Variants in ACTG1 observed in about 807,000 individuals in gnomAD.
ACTG1 encodes the protein actin gamma 1.
ACTG1 carries 14 observed loss-of-function variants against 34.3 expected under a neutral mutation model. That is an observed-to-expected ratio of 0.41 (90% CI 0.27 to 0.64). The LOEUF is 0.64. ACTG1 is among the 30% of genes least tolerant of loss of function. The probability of loss-of-function intolerance (pLI) is 0.33; values close to 1 mark genes in which losing one functional copy is unlikely to be tolerated. For missense variants in ACTG1, 233 were observed against 529.5 expected, an observed-to-expected ratio of 0.44 and a Z score of 5.50; for synonymous variants, 422 against 213.9, an observed-to-expected ratio of 1.97 and a Z score of -8.49.
rs11549209 is a variant in ACTG1, at chr17:81,511,996, G to C, written c.270C>G (p.Phe90Leu). 1 of 1,614,116 alleles carries C rather than the reference G, an allele frequency of 6.2e-7. No individual in the cohort carries two copies. The highest frequency in any genetic ancestry group is 8.5e-7 in the Non-Finnish European group (1 of 1,180,050). ...DDMEKIWHHT[F>L]YNELRVAPEE... ...CCGGGGCCACGCGCAGCTCGTTGTA[G>C]AAGGTGTGGTGCCAGATCTTCTCCA... The change falls in exon 3 of 6, where the codon TTC becomes TTG. Residue 90 changes from phenylalanine to leucine, a missense_variant. Coordinates refer to ENST00000573283, the MANE Select transcript of ACTG1 (RefSeq NM_001614.5).
In ACTG1 at chr17:81,510,563, G is replaced by C. The variant is rs782032506; in HGVS notation, c.*127C>G. 8.1e-7 allele frequency: 1 copy of C among 1,241,368 alleles called. No homozygotes were observed. The highest frequency in any genetic ancestry group is 1.2e-5 in the South Asian group (1 of 82,000). The allele number at this position is 1,241,368 out of a possible 1,614,324, so 76.9% of individuals were successfully genotyped here. ...TGCTGATATCAGATACAAGCTTCAA[G>C]GACAATTTCTTTTCGAAGGCTTATT... is the stretch of plus-strand genomic sequence containing the variant. On this transcript the variant is annotated 3_prime_UTR_variant, in exon 6 of 6. Coordinates refer to ENST00000573283, the MANE Select transcript of ACTG1 (RefSeq NM_001614.5).
Position 81,512,147 on chromosome 17 carries a change from A to AG in ACTG1, c.124-6dup. 1 of 1,613,496 alleles carries AG rather than the reference A, an allele frequency of 6.2e-7. No individual in the cohort carries two copies. The highest frequency in any genetic ancestry group is 1.1e-5 in the South Asian group (1 of 91,070). On this transcript the variant is annotated splice_region_variant and splice_polypyrimidine_tract_variant and intron_variant, in intron 2 of 5. Transcript: ENST00000573283. ...GCCCATGCCCACCATGACGCCCTGCAGGGGACGACCCGTCAGCCTCGCCGG... is the reference window on the plus strand; with the variant it reads ...GCCCATGCCCACCATGACGCCCTGCAGGGGGACGACCCGTCAGCCTCGCCGG...
rs782772597 is a variant in ACTG1 at position 81,511,555 on chromosome 17, A to C, written c.435T>G (p.Ser145=). ...CCATGACAATGCCAGTGGTGCGCCC[A>C]GAGGCGTAGAGGGACAGCACGGCCT... The part of the protein sequence containing the change: ...AIQAVLSLYA[S]GRTTGIVMDS... Residue 145 remains serine (S), a synonymous_variant, in exon 4 of 6, where the codon TCT becomes TCG. Coordinates refer to ENST00000573283, the MANE Select transcript of ACTG1 (RefSeq NM_001614.5). The C allele has an allele frequency of 6.2e-7, 1 of 1,613,740 alleles. No homozygotes were observed. Among genetic ancestry groups the C allele is most frequent in the East Asian group, 2.2e-5 (1 of 44,900 alleles).
rs782397522 is a variant in ACTG1 at position 81,512,050 on chromosome 17, C to T, written c.216G>A (p.Glu72=). The T allele has an allele frequency of 9.3e-6, 15 of 1,613,936 alleles. No homozygotes were observed. Among genetic ancestry groups the T allele is most frequent in the African/African-American group, 2.7e-5 (2 of 74,948 alleles). ...CGTCCCAGTTGGTGACGATGCCATG[C>T]TCAATGGGGTACTTCAGGGTCAGGA... is the stretch of plus-strand genomic sequence containing the variant. The part of the protein sequence containing the change: ...RGILTLKYPI[E]HGIVTNWDDM... The change falls in exon 3 of 6, where the codon GAG becomes GAA. Residue 72 remains glutamate (E), a synonymous_variant. Coordinates refer to ENST00000573283, the MANE Select transcript of ACTG1 (RefSeq NM_001614.5).
intron 3 of ACTG1, 62 bp from the exon 4 acceptor site, chr17:81,511,688 A>G (rs1223139920): frequency 7.1e-6 from 11 of 1,558,888 alleles, no homozygotes; most frequent in African/African-American, 5.4e-5. Context: ...CCATGCTCAC[A>G]CGCCACAACA....
rs369082132 is a variant in ACTG1, at chr17:81,510,543, A to C, written c.*147T>G. 2.0e-6 allele frequency: 2 copies of C among 1,005,888 alleles called. No individual in the cohort carries two copies. The highest frequency in any genetic ancestry group is 3.1e-6 in the Non-Finnish European group (2 of 644,756). The allele number at this position is 1,005,888 out of a possible 1,614,324, so 62.3% of individuals were successfully genotyped here. On this transcript the variant is annotated 3_prime_UTR_variant, in exon 6 of 6. Transcript: ENST00000573283. ...CAACAAGTTCTACAATCCAGTGCTG[A>C]TATCAGATACAAGCTTCAAGGACAA...
Position 81,512,751 on chromosome 17 carries a change from G to C in ACTG1, c.-24C>G. The C allele has an allele frequency of 4.8e-6, 2 of 413,426 alleles. No individual in the cohort carries two copies. Among genetic ancestry groups the C allele is most frequent in the Non-Finnish European group, 9.5e-6 (2 of 211,346 alleles). 25.6% of individuals were successfully genotyped at this position (413,426 alleles called of 1,614,324 possible). On this transcript the variant is annotated 5_prime_UTR_variant, in exon 1 of 6. Transcript: ENST00000573283. ...GCGCTCACCGGCAGAGAAACGCGAC[G>C]GCGGAGCGGCGGAAGAACAGAGTGC...
rs1464819772 is a variant in ACTG1, at chr17:81,510,218, TG to T, written c.*471del. 5.9e-6 allele frequency: 3 copies of T among 509,400 alleles called. No individual in the cohort carries two copies. The East Asian group carries it at 2.0e-4, about 35-fold the overall frequency. The allele number at this position is 509,400 out of a possible 1,614,324, so 31.6% of individuals were successfully genotyped here. On this transcript the variant is annotated 3_prime_UTR_variant, in exon 6 of 6. Transcript: ENST00000573283. ...AAAGACATCAGCTAAGAAAGGAAAC[TG>T]GGTCCTACGGCTTGGACTTTCCAAC... is the stretch of plus-strand genomic sequence containing the variant.
chr17:81,510,878 C>A (rs782202746), intron 5 of ACTG1, 45 bp from the exon 6 acceptor site: 4 of 1,610,308 alleles, frequency 2.5e-6, no homozygotes, highest in Non-Finnish European at 3.4e-6. Context: ...GAGCGCCCCC[C>A]AGTCAGCTCT....
At chr17:81,512,182 A>C in intron 2 of ACTG1, 40 bp from the exon 3 acceptor site, 1 of 1,612,950 alleles carries the variant, frequency 6.2e-7, no homozygotes, top group South Asian at 1.1e-5. Flanking sequence ...GCGACACCGA[A>C]CCCACCCCGC....
Position 81,510,015 on chromosome 17 carries a change from T to G in ACTG1, c.*675A>C, listed in dbSNP as rs139505254. 8.3e-4 allele frequency: 354 copies of G among 425,816 alleles called. 3 individuals are homozygous for G. The highest frequency in any genetic ancestry group is 6.8e-3 in the African/African-American group (331 of 48,414). 26.4% of individuals were successfully genotyped at this position (425,816 alleles called of 1,614,324 possible). A position where few individuals can be genotyped will look rare whatever the true frequency, so the allele number is the denominator to read the frequency against. ...TATTTTTCCTTACACAATGACGTGT[T>G]GCTGGGGCCTAATGTTCTCACATAA... On this transcript the variant is annotated 3_prime_UTR_variant, in exon 6 of 6. Coordinates refer to ENST00000573283, the MANE Select transcript of ACTG1 (RefSeq NM_001614.5).
In ACTG1 at chr17:81,512,748, G is replaced by C. The variant is rs1444705106; in HGVS notation, c.-21C>G. 1 of 414,820 alleles carries C rather than the reference G, an allele frequency of 2.4e-6. No homozygotes were observed. The highest frequency in any genetic ancestry group is 2.8e-5 in the Admixed American group (1 of 35,150). The allele number at this position is 414,820 out of a possible 1,614,324, so 25.7% of individuals were successfully genotyped here. Reference sequence around the variant, plus strand: ...GGGGCGCTCACCGGCAGAGAAACGCGACGGCGGAGCGGCGGAAGAACAGAG... The same window carrying C: ...GGGGCGCTCACCGGCAGAGAAACGCCACGGCGGAGCGGCGGAAGAACAGAG... On this transcript the variant is annotated 5_prime_UTR_variant, in exon 1 of 6. Coordinates refer to ENST00000573283, the MANE Select transcript of ACTG1 (RefSeq NM_001614.5).
intron 1 of ACTG1, 78 bp from the exon 2 acceptor site, chr17:81,512,438 C>T (rs2031872603): frequency 5.0e-6 from 8 of 1,610,334 alleles, no homozygotes; most frequent in Admixed American, 1.7e-5. Context: ...TGCCCTCCCG[C>T]GGGGAAGCCT....
rs1234362709 is a variant in ACTG1, at chr17:81,512,724, G to C, written c.-7+10C>G. On this transcript the variant is annotated intron_variant, in intron 1 of 5. Transcript: ENST00000573283. ...GACGTCCAGCTCAGGCCCCGGGGCG[G>C]GGCGCTCACCGGCAGAGAAACGCGA... The C allele has an allele frequency of 2.4e-6, 1 of 408,364 alleles. No individual in the cohort carries two copies. The highest frequency in any genetic ancestry group is 9.6e-5 in the East Asian group (1 of 10,428). 25.3% of individuals were successfully genotyped at this position (408,364 alleles called of 1,614,324 possible).
chr17:81,511,125 T>TC lies in ACTG1; in HGVS notation c.803-18dup, dbSNP rs1172081062. Reference sequence around the variant, plus strand: ...ATTCCATACCTAGGGGACAGAGCCCTCCCTTAGTGATGCTGTGTCACCGAG... The same window carrying TC: ...ATTCCATACCTAGGGGACAGAGCCCTCCCCTTAGTGATGCTGTGTCACCGAG... On this transcript the variant is annotated splice_polypyrimidine_tract_variant and intron_variant, in intron 4 of 5. Coordinates refer to ENST00000573283, the MANE Select transcript of ACTG1 (RefSeq NM_001614.5). The TC allele has an allele frequency of 6.2e-7, 1 of 1,613,752 alleles. No homozygotes were observed. Among genetic ancestry groups the TC allele is most frequent in the East Asian group, 2.2e-5 (1 of 44,874 alleles).
Position 81,512,773 on chromosome 17 carries a change from G to A in ACTG1, c.-46C>T, listed in dbSNP as rs781836332. On this transcript the variant is annotated 5_prime_UTR_variant, in exon 1 of 6. Coordinates refer to ENST00000573283, the MANE Select transcript of ACTG1 (RefSeq NM_001614.5). ...GACGGCGGAGCGGCGGAAGAACAGA[G>A]TGCGAGAGCTGGCAGCGGCGACTGA... 1.6e-4 allele frequency: 67 copies of A among 417,486 alleles called. No homozygotes were observed. The highest frequency in any genetic ancestry group is 6.8e-4 in the South Asian group (41 of 59,876). The allele number at this position is 417,486 out of a possible 1,614,324, so 25.9% of individuals were successfully genotyped here.
In ACTG1 at chr17:81,510,317, A is replaced by G. The variant is rs1555666097; in HGVS notation, c.*373T>C. 2.2e-6 allele frequency: 1 copy of G among 448,148 alleles called. No homozygotes were observed. Among genetic ancestry groups the G allele is most frequent in the East Asian group, 6.7e-5 (1 of 14,990 alleles). The allele number at this position is 448,148 out of a possible 1,614,324, so 27.8% of individuals were successfully genotyped here. Reference sequence around the variant, plus strand: ...AGAAATCCCAGAACACTCAGCCCTGACACGTTAATACCCTGCACAGATCAG... The same window carrying G: ...AGAAATCCCAGAACACTCAGCCCTGGCACGTTAATACCCTGCACAGATCAG... On this transcript the variant is annotated 3_prime_UTR_variant, in exon 6 of 6. Transcript: ENST00000573283.
rs1286952948 is a variant in ACTG1, at chr17:81,510,345, G to A, written c.*345C>T. 5 of 445,304 alleles carry A rather than the reference G, an allele frequency of 1.1e-5. No homozygotes were observed. Among genetic ancestry groups the A allele is most frequent in the South Asian group, 7.2e-5 (4 of 55,728 alleles). The allele number at this position is 445,304 out of a possible 1,614,324, so 27.6% of individuals were successfully genotyped here. On this transcript the variant is annotated 3_prime_UTR_variant, in exon 6 of 6. Coordinates refer to ENST00000573283, the MANE Select transcript of ACTG1 (RefSeq NM_001614.5). ...CGTTAATACCCTGCACAGATCAGAG[G>A]CTGCTGGCCACACAGACTCACCAAG... is the stretch of plus-strand genomic sequence containing the variant.
Position 81,512,119 on chromosome 17 carries a change from C to T in ACTG1, c.147G>A (p.Gln49=), listed in dbSNP as rs2031837476. Residue 49 remains glutamine (Q), a synonymous_variant, in exon 3 of 6, where the codon CAG becomes CAA. Transcript: ENST00000573283. The part of the protein sequence containing the change: ...RHQGVMVGMG[Q]KDSYVGDEAQ... ...CCTCGTCGCCCACGTAGGAGTCCTT[C>T]TGGCCCATGCCCACCATGACGCCCT... 6.2e-7 allele frequency: 1 copy of T among 1,613,680 alleles called. No individual in the cohort carries two copies. Among genetic ancestry groups the T allele is most frequent in the Admixed American group, 1.7e-5 (1 of 60,012 alleles).
Sources: allele counts gnomAD v4.1 joint callset, GRCh38; gene constraint gnomAD v4.1.1; transcripts MANE v1.5; gene names NCBI Gene and HGNC (gene_info 2026-07-23, HGNC 2026-07-21).